The following RAD51 variants were observed in gnomAD, a reference collection of about 807,000 sequenced individuals.
The protein encoded by RAD51 is RAD51 recombinase.
A neutral mutation model predicts 41.5 loss-of-function variants in RAD51; 14 were observed. That is an observed-to-expected ratio of 0.34 (90% confidence interval 0.22 to 0.53). The LOEUF is 0.53. Ranked by LOEUF, RAD51 falls within the 20% of genes least tolerant of loss-of-function variation. The pLI is 0.95. For missense variants in RAD51, 234 were observed against 422.0 expected (o/e 0.55, Z 3.90); for synonymous variants, 136 against 148.6 (o/e 0.92, Z 0.62).
In RAD51 at chr15:40,708,577, ATTTG is replaced by A. The variant is rs45626433; in HGVS notation, c.344-428_344-425del. On this transcript the variant is annotated intron_variant, in intron 4 of 9. Coordinates refer to ENST00000267868, the MANE Select transcript of RAD51 (RefSeq NM_002875.5). ...AATTATTTCAAAATACTTTTGGTTTATTTGTTTGTTTGTTTGTTTGTTTTGAAAC... is the reference window on the plus strand; with the variant it reads ...AATTATTTCAAAATACTTTTGGTTTATTTGTTTGTTTGTTTGTTTTGAAAC... Among the ~76,000 whole-genome samples the A allele has an allele frequency of 9.3e-4, 139 of 150,066 alleles. 4 individuals are homozygous for A. The South Asian group carries it at 0.016, about 17-fold the overall frequency.
intron 1 of RAD51, among the ~76,000 whole-genome samples, chr15:40,696,863 C>T (rs1052413795): frequency 1.3e-5 from 2 of 152,136 alleles, no homozygotes; most frequent in Admixed American, 6.5e-5. Context: ...TGATGTTGGA[C>T]ATCTGTTCAT....
intron 3 of RAD51, among the ~76,000 whole-genome samples, chr15:40,704,107 C>T (rs1053251219): frequency 6.6e-6 from 1 of 151,796 alleles, no homozygotes; most frequent in Non-Finnish European, 1.5e-5. Flanking sequence ...CGGAGTCTCC[C>T]TCTGTGCCCA....
At chr15:40,698,134 C>T (rs1894763567) in intron 1 of RAD51, among the ~76,000 whole-genome samples, 1 of 152,008 alleles carries the variant, frequency 6.6e-6, no homozygotes, top group Non-Finnish European at 1.5e-5. Flanking sequence ...GCTGCATTCT[C>T]CTCAGTCTCT....
intron 7 of RAD51, among the ~76,000 whole-genome samples, 190 bp from the exon 8 acceptor site, chr15:40,729,315 G>A (rs1896749654): frequency 7.1e-6 from 1 of 140,288 alleles, no homozygotes; most frequent in Admixed American, 7.7e-5. Context: ...AGAGCTTGCA[G>A]TGAGCCAAGA....
chr15:40,702,679 G>A (rs1895077874), intron 3 of RAD51, among the ~76,000 whole-genome samples: 1 of 151,880 alleles, frequency 6.6e-6, no homozygotes, highest in Admixed American at 6.6e-5. Context: ...CACCACACGT[G>A]GCTAATTTTT....
At chr15:40,718,760 C>G in intron 5 of RAD51, 45 bp from the exon 6 acceptor site, 1 of 1,478,568 alleles carries the variant, frequency 6.8e-7, no homozygotes. Context: ...TCAGCTGTAT[C>G]AGAAATACAA....
At chr15:40,706,070 C>T in intron 3 of RAD51, 107 bp from the exon 4 acceptor site, 1 of 790,094 alleles carries the variant, frequency 1.3e-6, no homozygotes, top group Non-Finnish European at 2.2e-6. Context: ...CATTGCACAC[C>T]TTGTTTTACT....
At chr15:40,700,512 T>C (rs978085080) in intron 2 of RAD51, among the ~76,000 whole-genome samples, 2 of 152,190 alleles carry the variant, frequency 1.3e-5, no homozygotes, top group Non-Finnish European at 2.9e-5. Context: ...TAAAGTGGTC[T>C]TGTAGGGCCC....
intron 6 of RAD51, among the ~76,000 whole-genome samples, chr15:40,726,872 C>T (rs1197150915): frequency 1.3e-5 from 2 of 148,670 alleles, no homozygotes; most frequent in African/African-American, 2.5e-5. Flanking sequence ...GAGATCGTGC[C>T]ACTGCACTCC....
At chr15:40,728,925 G>C (rs1896725960) in intron 7 of RAD51, 101 bp downstream of exon 7, 1 of 1,036,458 alleles carries the variant, frequency 9.6e-7, no homozygotes, top group African/African-American at 1.6e-5. Context: ...AATTAGAAAT[G>C]AGGAGGTTTA....
Position 40,729,652 on chromosome 15 carries a change from G to T in RAD51, c.774+18G>T, listed in dbSNP as rs762770360. Reference sequence around the variant, plus strand: ...CTGATGAGGTAAGTTGTGGGATAGGGACAGAGAATGCCTACTTTCAGTGGC... The same window carrying T: ...CTGATGAGGTAAGTTGTGGGATAGGTACAGAGAATGCCTACTTTCAGTGGC... On this transcript the variant is annotated intron_variant, in intron 8 of 9. Coordinates refer to ENST00000267868, the MANE Select transcript of RAD51 (RefSeq NM_002875.5). The T allele has an allele frequency of 4.3e-6, 7 of 1,613,314 alleles. No homozygotes were observed. Among genetic ancestry groups the T allele is most frequent in the South Asian group, 2.2e-5 (2 of 90,968 alleles).
intron 6 of RAD51, among the ~76,000 whole-genome samples, chr15:40,721,860 C>G (rs1247678197): frequency 1.3e-5 from 2 of 152,154 alleles, no homozygotes; most frequent in Non-Finnish European, 2.9e-5. Flanking sequence ...AAAACAGGAA[C>G]TCAGATACTT....
chr15:40,714,464 T>C (rs934198341), intron 5 of RAD51, among the ~76,000 whole-genome samples: 4 of 152,208 alleles, frequency 2.6e-5, no homozygotes, highest in Non-Finnish European at 5.9e-5. Context: ...ATGCTGACAC[T>C]CCAAAGTTGT....
At chr15:40,722,058 C>G (rs1256445497) in intron 6 of RAD51, among the ~76,000 whole-genome samples, 1 of 152,184 alleles carries the variant, frequency 6.6e-6, no homozygotes. Flanking sequence ...CTGACACATG[C>G]TATTAACATC....
chr15:40,701,142 C>T lies in RAD51; in HGVS notation c.166C>T (p.Pro56Ser), dbSNP rs45623838. The change falls in exon 3 of 10, where the codon CCA becomes TCA. Residue 56 changes from proline (P) to serine (S), a missense_variant. This residue lies in a region of RAD51 where 100 missense variants were observed against 135.5 expected (regional missense o/e 0.74). Coordinates refer to ENST00000267868, the MANE Select transcript of RAD51 (RefSeq NM_002875.5). The part of the protein sequence containing the change: ...FHTVEAVAYA[P>S]KKELINIKGI... Reference sequence around the variant, plus strand: ...TACTGTGGAGGCTGTTGCCTATGCGCCAAAGAAGGAGCTAATAAATATTAA... The same window carrying T: ...TACTGTGGAGGCTGTTGCCTATGCGTCAAAGAAGGAGCTAATAAATATTAA... The T allele has an allele frequency of 1.1e-4, 170 of 1,613,942 alleles. No individual in the cohort carries two copies. Among genetic ancestry groups the T allele is most frequent in the Admixed American group, 1.7e-5 (1 of 59,988 alleles).
intron 6 of RAD51, among the ~76,000 whole-genome samples, chr15:40,728,123 G>A (rs1023573414): frequency 3.3e-5 from 5 of 152,086 alleles, no homozygotes; most frequent in Non-Finnish European, 7.4e-5. Context: ...GCATCCCAAA[G>A]TGCTAGGATT....
Position 40,728,860 on chromosome 15 carries a change from A to T in RAD51, c.644+36A>T, listed in dbSNP as rs765581235. ...AGTATAAGACACCAAATATGTTCTT[A>T]AGAGTCCTTCCCTGAATCTTGTAAT... is the stretch of plus-strand genomic sequence containing the variant. On this transcript the variant is annotated intron_variant, in intron 7 of 9. Transcript: ENST00000267868. 4 of 1,534,170 alleles carry T rather than the reference A, an allele frequency of 2.6e-6. No homozygotes were observed. The South Asian group carries it at 4.5e-5, about 17-fold the overall frequency.
intron 3 of RAD51, among the ~76,000 whole-genome samples, chr15:40,702,341 C>T (rs1204822000): frequency 2.6e-5 from 4 of 152,042 alleles, no homozygotes; most frequent in Non-Finnish European, 5.9e-5. Context: ...TTCTTTTTGC[C>T]TTGCGAGATC....
chr15:40,730,206 C>T (rs1567056285), intron 9 of RAD51, among the ~76,000 whole-genome samples: 1 of 152,058 alleles, frequency 6.6e-6, no homozygotes, highest in African/African-American at 2.4e-5. Context: ...ATGCCTCTCC[C>T]CTGTTATTTA....
Sources: allele counts gnomAD v4.1 joint callset (sites outside exome capture counted in the v4.1 genomes callset), GRCh38; gene constraint gnomAD v4.1.1; regional missense constraint gnomAD v4.1.1; transcripts MANE v1.5; gene names NCBI Gene and HGNC (gene_info 2026-07-23, HGNC 2026-07-21).